Variants in CREM observed in about 807,000 individuals in gnomAD.
The protein encoded by CREM is cAMP-responsive element modulator.
A neutral mutation model predicts 37.3 loss-of-function variants in CREM; 13 were observed. The ratio of observed to expected loss-of-function variants is 0.35; its 90% confidence interval spans 0.23 to 0.55. The LOEUF is 0.55. Among genes scored for constraint, CREM ranks in the 20% least tolerant of loss-of-function variants. CREM has a pLI of 0.88. For missense variants in CREM, 296 were observed against 362.3 expected, an observed-to-expected ratio of 0.82 and a Z score of 1.49; for synonymous variants, 124 against 120.2, an observed-to-expected ratio of 1.03 and a Z score of -0.21.
rs2095681710 is a variant in CREM, at chr10:35,212,875, CAATCGAGACTG to C, written c.*1478_*1488del. 1 of 152,774 alleles carries C rather than the reference CAATCGAGACTG, an allele frequency of 6.5e-6. No individual in the cohort carries two copies. Among genetic ancestry groups the C allele is most frequent in the Non-Finnish European group, 1.5e-5 (1 of 68,032 alleles). The allele number at this position is 152,774 out of a possible 1,614,324, so 9.5% of individuals were successfully genotyped here. A position where few individuals can be genotyped will look rare whatever the true frequency, so the allele number is the denominator to read the frequency against. The stretch of plus-strand genomic sequence containing the variant: ...CGGCACATTCAGCTGAGGTTCATTA[CAATCGAGACTG>C]CAATGTGATCTATGTTTCATCTTGT... On this transcript the variant is annotated 3_prime_UTR_variant, in exon 8 of 8. Transcript: ENST00000685392.
In CREM at chr10:35,193,536, C is replaced by G. The variant is rs539999480; in HGVS notation, c.598+5148C>G. ...GTGTGACTGGGACAGCAAAGAGTCC[C>G]TGCTGGAGCCCCAGATTGAGGTTGA... On this transcript the variant is annotated intron_variant, in intron 6 of 7. Transcript: ENST00000685392. 1.4e-4 allele frequency among the ~76,000 whole-genome samples: 21 copies of G among 152,274 alleles called. No individual in the cohort carries two copies. In the East Asian group the frequency reaches 2.3e-3, roughly 17 times the overall value.
At chr10:35,139,794 G>GT (rs1325052604) in intron 2 of CREM, among the ~76,000 whole-genome samples, 1 of 152,182 alleles carries the variant, frequency 6.6e-6, no homozygotes, top group Non-Finnish European at 1.5e-5. Flanking sequence ...AGTGAATAAT[G>GT]TAAGATTATA....
intron 3 of CREM, among the ~76,000 whole-genome samples, chr10:35,158,890 A>T (rs1329579072): frequency 1.4e-5 from 2 of 141,282 alleles, no homozygotes; most frequent in African/African-American, 5.3e-5. Flanking sequence ...ATTAATTGGT[A>T]TATGTTGTCT....
At position 35,187,161 on chromosome 10, in the gene CREM, TA is replaced by T. The variant is rs1485548253; in HGVS notation, c.410-1038del. 1.6e-3 allele frequency among the ~76,000 whole-genome samples: 98 copies of T among 61,088 alleles called. 2 individuals carry two copies. The East Asian group carries it at 0.019, about 12-fold the overall frequency. 40.1% of individuals were successfully genotyped at this position (61,088 alleles called of 152,430 possible). A position where few individuals can be genotyped will look rare whatever the true frequency, so the allele number is the denominator to read the frequency against. ...ATTAATATATAATATATATAATATATATTATATATTAATATTAATATATAAA... is the reference window on the plus strand; with the variant it reads ...ATTAATATATAATATATATAATATATTTATATATTAATATTAATATATAAA... On this transcript the variant is annotated intron_variant, in intron 5 of 7. Transcript: ENST00000685392.
At chr10:35,183,783 A>G (rs2094446744) in intron 5 of CREM, among the ~76,000 whole-genome samples, 1 of 152,242 alleles carries the variant, frequency 6.6e-6, no homozygotes, top group Admixed American at 6.5e-5. Context: ...GATTAGAAGT[A>G]TATAACATGG....
intron 1 of CREM, among the ~76,000 whole-genome samples, chr10:35,129,725 C>G (rs920651373): frequency 1.3e-5 from 2 of 152,158 alleles, no homozygotes; most frequent in African/African-American, 4.8e-5. Flanking sequence ...GTTTTACAAC[C>G]ATTGATATTT....
chr10:35,206,202 C>G (rs897511065), intron 6 of CREM, among the ~76,000 whole-genome samples: 19 of 150,612 alleles, frequency 1.3e-4, no homozygotes, highest in Admixed American at 1.1e-3. Context: ...GAGCCAAGAT[C>G]GCGCCACTGC....
chr10:35,187,006 A>ATTAT (rs1564919827), intron 5 of CREM, among the ~76,000 whole-genome samples: 7 of 87,570 alleles, frequency 8.0e-5, no homozygotes, highest in Non-Finnish European at 9.8e-5. Flanking sequence ...TATTATATAT[A>ATTAT]ATATAATATA....
intron 5 of CREM, among the ~76,000 whole-genome samples, chr10:35,186,748 TTA>T (rs920412565): frequency 3.8e-5 from 5 of 131,946 alleles, no homozygotes; most frequent in African/African-American, 1.1e-4. Flanking sequence ...ATAGTTATAA[TTA>T]TATATAGTTA....
intron 6 of CREM, among the ~76,000 whole-genome samples, chr10:35,189,489 C>CTTGT (rs140588867): frequency 3.3e-5 from 5 of 150,710 alleles, no homozygotes; most frequent in Non-Finnish European, 4.4e-5. Flanking sequence ...AATTTGCTTG[C>CTTGT]TTGTTTGTTT....
At chr10:35,179,422 G>C in intron 5 of CREM, 146 bp downstream of exon 5, 1 of 932,752 alleles carries the variant, frequency 1.1e-6, no homozygotes, top group Non-Finnish European at 1.5e-6. Context: ...GAAAGTATAT[G>C]TTAAAAAGTG....
Position 35,206,566 on chromosome 10 carries a change from G to C in CREM, c.599-329G>C, listed in dbSNP as rs919006021. Among the ~76,000 whole-genome samples the C allele has an allele frequency of 4.6e-5, 7 of 152,262 alleles. No individual in the cohort carries two copies. In the East Asian group the frequency reaches 1.2e-3, roughly 25 times the overall value. On this transcript the variant is annotated intron_variant, in intron 6 of 7. Transcript: ENST00000685392. ...CAGGGCTTTTTCATTGTTTTGTCCT[G>C]AGGACTGTTTCTTAAATATTTATTA...
chr10:35,178,779 T>G (rs1211089943), intron 3 of CREM, 110 bp from the exon 4 acceptor site: 2 of 760,478 alleles, frequency 2.6e-6, no homozygotes, highest in African/African-American at 1.8e-5. Flanking sequence ...CTCAGTTGCT[T>G]CCACAGCTCC....
At chr10:35,145,635 T>C (rs2091989174) in intron 2 of CREM, among the ~76,000 whole-genome samples, 1 of 151,816 alleles carries the variant, frequency 6.6e-6, no homozygotes. Context: ...ACAAAATAGC[T>C]GGGCATGGGG....
chr10:35,173,428 CTTCAG>C (rs2093913421), intron 3 of CREM, among the ~76,000 whole-genome samples: 1 of 152,186 alleles, frequency 6.6e-6, no homozygotes, highest in South Asian at 2.1e-4. Context: ...ATCTGGCTAT[CTTCAG>C]TTAAACCTGA....
rs1016969863 is a variant in CREM, at chr10:35,168,527, A to T, written c.169-10362A>T. Among the ~76,000 whole-genome samples, 10 of 152,100 alleles carry T rather than the reference A, an allele frequency of 6.6e-5. No individual in the cohort carries two copies. In the South Asian group the frequency reaches 1.0e-3, roughly 16 times the overall value. ...ATTGTCAGATGAGTAGATTGCAAAAATTTTTTCCCATTCTGTAGGTTGCCT... is the reference window on the plus strand; with the variant it reads ...ATTGTCAGATGAGTAGATTGCAAAATTTTTTTCCCATTCTGTAGGTTGCCT... On this transcript the variant is annotated intron_variant, in intron 3 of 7. Transcript: ENST00000685392.
intron 3 of CREM, among the ~76,000 whole-genome samples, chr10:35,155,194 A>G (rs1028835246): frequency 5.9e-5 from 9 of 152,172 alleles, no homozygotes; most frequent in Admixed American, 2.0e-4. Flanking sequence ...ATTTGTAATG[A>G]TTATGAGGTT....
chr10:35,131,251 G>C (rs1220836670), intron 1 of CREM, among the ~76,000 whole-genome samples: 5 of 152,198 alleles, frequency 3.3e-5, no homozygotes, highest in Non-Finnish European at 7.3e-5. Flanking sequence ...GAACGTTTAA[G>C]AGTGGAGCTA....
intron 2 of CREM, 128 bp downstream of exon 2, chr10:35,138,007 T>A: frequency 1.8e-6 from 1 of 544,230 alleles, no homozygotes; most frequent in Non-Finnish European, 2.8e-6. Context: ...TAATATATAC[T>A]CAAATTATTC....
Sources: gnomAD v4.1 joint callset for allele counts (sites outside exome capture counted in the v4.1 genomes callset) on GRCh38, gnomAD v4.1.1 for gene constraint, MANE v1.5 for transcripts, NCBI Gene and HGNC (gene_info 2026-07-23, HGNC 2026-07-21) for gene names.